HERC1: variants seen among roughly 807,000 people sequenced by gnomAD.
HERC1 encodes probable E3 ubiquitin-protein ligase HERC1.
HERC1 carries 160 observed loss-of-function variants against 554.3 expected under a neutral mutation model. The observed-to-expected ratio is 0.29, with a 90% confidence interval of 0.25 to 0.33. The LOEUF (loss-of-function observed/expected upper bound fraction) is 0.33, where lower values mean the gene tolerates loss of function less well. HERC1 is among the 10% of genes least tolerant of loss of function. The pLI, the probability that HERC1 is intolerant of heterozygous loss-of-function variation, is 1.00. For missense variants in HERC1, 4,919 were observed against 5,918.5 expected, an observed-to-expected ratio of 0.83 and a Z score of 5.54; for synonymous variants, 2,175 against 2,131.7, an observed-to-expected ratio of 1.02 and a Z score of -0.56.
chr15:63,674,748 T>G lies in HERC1; in HGVS notation c.7440A>C (p.Gln2480His), dbSNP rs199635033. ...PTLPSVESQH[Q>H]ITEGKRKNHE... ...GATTTTTTCTTTTCCCTTCTGTTAT[T>G]TGATGTTGGGATTCCACACTTGGCA... Residue 2480 changes from glutamine to histidine, a missense_variant, in exon 38 of 78, where the codon CAA becomes CAC. This residue lies in a region of HERC1 where 1,963 missense variants were observed against 2,228.6 expected (regional missense o/e 0.88). Transcript: ENST00000443617. The G allele has an allele frequency of 6.2e-7, 1 of 1,613,894 alleles. No individual in the cohort carries two copies. Among genetic ancestry groups the G allele is most frequent in the Non-Finnish European group, 8.5e-7 (1 of 1,179,862 alleles).
At position 63,623,775 on chromosome 15, in the gene HERC1, C is replaced by A; in HGVS notation, c.13561G>T (p.Ala4521Ser). The change falls in exon 73 of 78, where the codon GCT (alanine) becomes TCT (serine). Residue 4521 changes from alanine (A) to serine (S), a missense_variant. Transcript: ENST00000443617. ...AWKVKLVGEG[A>S]DDAGGVFDDT... ...TCAAACACTCCTCCAGCATCATCAG[C>A]CCCTTCTCCAACCAGCTTAACCTTC... 1 of 1,613,970 alleles carries A rather than the reference C, an allele frequency of 6.2e-7. No individual in the cohort carries two copies. Among genetic ancestry groups the A allele is most frequent in the Non-Finnish European group, 8.5e-7 (1 of 1,179,894 alleles).
In HERC1 at chr15:63,675,035, A is replaced by T; in HGVS notation, c.7153T>A (p.Phe2385Ile). ...CEPLPFDVAR[F>I]RGLTASVLLD... ...AGCACAGAAGCCGTCAGGCCTCGGA[A>T]TCGCGCCACATCAAACGGCAATGGT... Residue 2385 changes from phenylalanine (F) to isoleucine (I), a missense_variant, in exon 38 of 78, where the codon TTC becomes ATC. Phe to Ile is a conservative substitution (Grantham distance 21, BLOSUM62 0). This residue lies in a region of HERC1 where 1,963 missense variants were observed against 2,228.6 expected (regional missense o/e 0.88). Transcript: ENST00000443617. The T allele has an allele frequency of 6.2e-7, 1 of 1,614,068 alleles. No individual in the cohort carries two copies. Among genetic ancestry groups the T allele is most frequent in the South Asian group, 1.1e-5 (1 of 91,090 alleles).
At chr15:63,809,780 T>C (rs960223056) in intron 1 of HERC1, among the ~76,000 whole-genome samples, 5 of 124,340 alleles carry the variant, frequency 4.0e-5, no homozygotes, top group African/African-American at 1.7e-4. Flanking sequence ...GCAGCCTTGT[T>C]TAGAATAGCA....
intron 1 of HERC1, among the ~76,000 whole-genome samples, chr15:63,784,526 T>G (rs2076380334): frequency 6.6e-6 from 1 of 152,190 alleles, no homozygotes; most frequent in South Asian, 2.1e-4. Flanking sequence ...ATTGGGTTAC[T>G]GGGAGCTGGG....
chr15:63,704,356 A>C (rs2072889596), intron 25 of HERC1, among the ~76,000 whole-genome samples: 1 of 152,224 alleles, frequency 6.6e-6, no homozygotes, highest in South Asian at 2.1e-4. Flanking sequence ...TGACCTGGTT[A>C]ACACAGACTG....
chr15:63,659,685 C>G (rs1390575227), intron 47 of HERC1, 51 bp downstream of exon 47: 1 of 1,331,254 alleles, frequency 7.5e-7, no homozygotes, highest in African/African-American at 1.5e-5. Context: ...ATCTAAGAAA[C>G]AAATTATAGT....
At chr15:63,614,812 T>C (rs976685683) in intron 76 of HERC1, among the ~76,000 whole-genome samples, 6 of 152,236 alleles carry the variant, frequency 3.9e-5, no homozygotes, top group Admixed American at 6.5e-5. Context: ...AGAACAAGGA[T>C]AACTCAAATG....
In HERC1 at chr15:63,624,174, T is replaced by C. The variant is rs2068203272; in HGVS notation, c.13429A>G (p.Lys4477Glu). 1 of 1,613,072 alleles carries C rather than the reference T, an allele frequency of 6.2e-7. No homozygotes were observed. Among genetic ancestry groups the C allele is most frequent in the South Asian group, 1.1e-5 (1 of 90,916 alleles). Reference protein sequence around the residue: ...GKNYGPQITVKRISTRGRKCK... With the variant: ...GKNYGPQITVERISTRGRKCK... Reference sequence around the variant, plus strand: ...TATGCTAACCTGGTTGATATCCTCTTTACAGTTATCTGAGGTCCATAGTTT... The same window carrying C: ...TATGCTAACCTGGTTGATATCCTCTCTACAGTTATCTGAGGTCCATAGTTT... The change falls in exon 72 of 78, where the codon AAG becomes GAG. Residue 4477 changes from lysine (K) to glutamate (E), a missense_variant. This residue lies in a region of HERC1 where 410 missense variants were observed against 467.0 expected (regional missense o/e 0.88). Coordinates refer to ENST00000443617, the MANE Select transcript of HERC1 (RefSeq NM_003922.4).
At chr15:63,617,502 A>T (rs1436039236) in intron 74 of HERC1, among the ~76,000 whole-genome samples, 1 of 152,250 alleles carries the variant, frequency 6.6e-6, no homozygotes, top group Non-Finnish European at 1.5e-5. Context: ...AGAATGTTTT[A>T]TAATCCTTTG....
At position 63,699,923 on chromosome 15, in the gene HERC1, C is replaced by T. The variant is rs896373992; in HGVS notation, c.4637-927G>A. Among the ~76,000 whole-genome samples, 10 of 152,096 alleles carry T rather than the reference C, an allele frequency of 6.6e-5. No homozygotes were observed. The East Asian group carries it at 9.6e-4, about 15-fold the overall frequency. On this transcript the variant is annotated intron_variant, in intron 25 of 77. Transcript: ENST00000443617. The stretch of plus-strand genomic sequence containing the variant: ...TAAATTTGATTAACTACAATCCTTT[C>T]GTCATGACATACTCTCATCATTGGT...
Position 63,632,821 on chromosome 15 carries a change from A to G in HERC1, c.12694-10T>C. 6.5e-7 allele frequency: 1 copy of G among 1,534,142 alleles called. No homozygotes were observed. The highest frequency in any genetic ancestry group is 8.8e-7 in the Non-Finnish European group (1 of 1,130,176). ...AAAGGACGTCAATTTTCTACAAAAT[A>G]AAAGTGTAAGGCACACAACTTTAAG... On this transcript the variant is annotated splice_polypyrimidine_tract_variant and intron_variant, in intron 67 of 77. Coordinates refer to ENST00000443617, the MANE Select transcript of HERC1 (RefSeq NM_003922.4).
In HERC1 at chr15:63,764,167, A is replaced by G; in HGVS notation, c.955T>C (p.Trp319Arg). 1 of 1,610,268 alleles carries G rather than the reference A, an allele frequency of 6.2e-7. No individual in the cohort carries two copies. The highest frequency in any genetic ancestry group is 8.5e-7 in the Non-Finnish European group (1 of 1,178,042). ...SLGSSADRSQ[W>R]REPTRTSDGL... is the part of the protein sequence containing the mutation. ...TCCGATGTTCTGGTTGGTTCTCTCC[A>G]CTGACTCCGATCAGCAGATGAACCC... The change falls in exon 3 of 78, where the codon TGG (tryptophan) becomes CGG (arginine). Residue 319 changes from tryptophan (W) to arginine (R), a missense_variant. Transcript: ENST00000443617.
intron 59 of HERC1, 76 bp downstream of exon 59, chr15:63,642,881 G>T: frequency 1.2e-6 from 1 of 830,506 alleles, no homozygotes. Context: ...CCTCCATAAA[G>T]TGGGGTGGTT....
Position 63,680,750 on chromosome 15 carries a change from A to C in HERC1, c.6252T>G (p.Gly2084=). 1 of 1,612,008 alleles carries C rather than the reference A, an allele frequency of 6.2e-7. No homozygotes were observed. Among genetic ancestry groups the C allele is most frequent in the Non-Finnish European group, 8.5e-7 (1 of 1,178,118 alleles). ...AAACTCCAACACACGTGCCTTCATT[A>C]CCTCTGTTTTCCTTCACAATATAAA... is the stretch of plus-strand genomic sequence containing the variant. The part of the protein sequence containing the change: ...WKFYIVKENR[G]NEGTCVGVSR... The change falls in exon 35 of 78, where the codon GGT becomes GGG. Residue 2084 remains glycine, a synonymous_variant. Coordinates refer to ENST00000443617, the MANE Select transcript of HERC1 (RefSeq NM_003922.4). The surrounding 1 kb of genome is among the most constrained non-coding windows in gnomAD (Gnocchi z 5.8).
chr15:63,776,847 A>T (rs2076133604), intron 1 of HERC1, among the ~76,000 whole-genome samples: 1 of 152,172 alleles, frequency 6.6e-6, no homozygotes, highest in Non-Finnish European at 1.5e-5. Context: ...TGCACTTGAG[A>T]TTTTTACATT....
Position 63,716,476 on chromosome 15 carries a change from T to C in HERC1, c.3979-3A>G. On this transcript the variant is annotated splice_polypyrimidine_tract_variant and splice_region_variant and intron_variant, in intron 21 of 77. Transcript: ENST00000443617. Reference sequence around the variant, plus strand: ...GCAGAGTCCTGGTTTTCTGATATCTTAAAGAAATTATCAGAAACTACACTA... The same window carrying C: ...GCAGAGTCCTGGTTTTCTGATATCTCAAAGAAATTATCAGAAACTACACTA... 6.3e-7 allele frequency: 1 copy of C among 1,583,902 alleles called. No individual in the cohort carries two copies. Among genetic ancestry groups the C allele is most frequent in the Non-Finnish European group, 8.6e-7 (1 of 1,169,184 alleles).
chr15:63,798,338 C>T (rs2076872657), intron 1 of HERC1, among the ~76,000 whole-genome samples: 1 of 152,146 alleles, frequency 6.6e-6, no homozygotes, highest in Non-Finnish European at 1.5e-5. Flanking sequence ...AGACTAATTA[C>T]TTTTAACCAA....
chr15:63,798,547 CAAA>C (rs368821834), intron 1 of HERC1, among the ~76,000 whole-genome samples: 2 of 63,104 alleles, frequency 3.2e-5, no homozygotes, highest in Non-Finnish European at 3.7e-5. Context: ...TCAAACTTTA[CAAA>C]AAAAAAAAAA....
chr15:63,689,170 G>C (rs901863610), intron 33 of HERC1, among the ~76,000 whole-genome samples: 1 of 152,118 alleles, frequency 6.6e-6, no homozygotes, highest in Admixed American at 6.6e-5. Flanking sequence ...CAAAAGGCTA[G>C]AGTTTCCAGA....
Sources: gnomAD v4.1 joint callset for allele counts (sites outside exome capture counted in the v4.1 genomes callset) on GRCh38, gnomAD v4.1.1 for gene constraint, gnomAD v4.1.1 regional missense constraint, Gnocchi (gnomAD v3.1) non-coding constraint, MANE v1.5 for transcripts, NCBI Gene and HGNC (gene_info 2026-07-23, HGNC 2026-07-21) for gene names.